Variants in PPM1G observed in about 807,000 individuals in gnomAD.
The protein encoded by PPM1G is protein phosphatase 1G.
PPM1G carries 12 observed loss-of-function variants against 59.4 expected under a neutral mutation model. The ratio of observed to expected loss-of-function variants is 0.20; its 90% CI spans 0.13 to 0.33. The LOEUF is 0.33. Among genes scored for constraint, PPM1G ranks in the 10% least tolerant of loss-of-function variants. The pLI is 1.00. For missense variants in PPM1G, 392 were observed against 681.3 expected, an observed-to-expected ratio of 0.58 and a Z score of 4.73; for synonymous variants, 245 against 251.9, an observed-to-expected ratio of 0.97 and a Z score of 0.26.
rs1243261559 is a variant in PPM1G, at chr2:27,382,726, G to A, written c.1202-121C>T. The A allele has an allele frequency of 5.5e-6, 7 of 1,281,456 alleles. No individual in the cohort carries two copies. Among genetic ancestry groups the A allele is most frequent in the African/African-American group, 1.5e-5 (1 of 67,226 alleles). The allele number at this position is 1,281,456 out of a possible 1,614,324, so 79.4% of individuals were successfully genotyped here. A position where few individuals can be genotyped will look rare whatever the true frequency, so the allele number is the denominator to read the frequency against. On this transcript the variant is annotated intron_variant, in intron 7 of 9. Coordinates refer to ENST00000344034, the MANE Select transcript of PPM1G (RefSeq NM_177983.3). This position sits in a 1 kb window ranked among gnomAD's most constrained non-coding sequence, Gnocchi z 4.2. ...AAAGTTCCATAATCTAGTGGAATGG[G>A]GAACTGAGTCCTAAGTCCTAGTTTT...
At chr2:27,399,529 C>G (rs1165250338) in intron 1 of PPM1G, among the ~76,000 whole-genome samples, 1 of 152,180 alleles carries the variant, frequency 6.6e-6, no homozygotes, top group East Asian at 1.9e-4. Flanking sequence ...AAAAAATTAG[C>G]TGGGTGTGGT....
At position 27,409,378 on chromosome 2, in the gene PPM1G, C is replaced by T; in HGVS notation, c.45G>A (p.Gly15=). ...LSQPNTVKCS[G]DGVGAPRLPL... is the part of the protein sequence containing the mutation. ...GCAGGCGCGGGGCGCCGACCCCGTC[C>T]CCGGAGCACTTCACCGTGTTGGGCT... The change falls in exon 1 of 10, where the codon GGG becomes GGA. Residue 15 remains glycine, a synonymous_variant. Transcript: ENST00000344034. 1 of 1,541,380 alleles carries T rather than the reference C, an allele frequency of 6.5e-7. No individual in the cohort carries two copies. The highest frequency in any genetic ancestry group is 8.7e-7 in the Non-Finnish European group (1 of 1,143,268).
At chr2:27,395,719 C>A (rs1290626522) in intron 1 of PPM1G, among the ~76,000 whole-genome samples, 1 of 151,802 alleles carries the variant, frequency 6.6e-6, no homozygotes, top group Non-Finnish European at 1.5e-5. Flanking sequence ...GTGGTGCACA[C>A]CTGCAGTCCC....
intron 1 of PPM1G, among the ~76,000 whole-genome samples, chr2:27,396,399 G>A (rs1684054667): frequency 6.6e-6 from 1 of 152,154 alleles, no homozygotes; most frequent in Non-Finnish European, 1.5e-5. Context: ...GCCATGAGCT[G>A]GGGGAAAGAG....
intron 1 of PPM1G, 77 bp from the exon 2 acceptor site, chr2:27,387,235 C>T (rs1683785624): frequency 4.2e-6 from 5 of 1,184,034 alleles, no homozygotes; most frequent in Admixed American, 3.5e-5. Context: ...AATGTCACCC[C>T]TTACTAACCT....
intron 1 of PPM1G, among the ~76,000 whole-genome samples, chr2:27,394,437 C>T (rs1683993492): frequency 6.6e-6 from 1 of 151,982 alleles, no homozygotes; most frequent in African/African-American, 2.4e-5. Flanking sequence ...TTCACATGCT[C>T]AAGATCTTCT....
Position 27,382,343 on chromosome 2 carries a change from GC to G in PPM1G, c.1332-116del, listed in dbSNP as rs1683654450. The G allele has an allele frequency of 3.2e-6, 5 of 1,550,672 alleles. No individual in the cohort carries two copies. In the East Asian group the frequency reaches 1.1e-4, roughly 35 times the overall value. ...AATAACTACAGAAATTCTCAGCTCTGCCTTAGTCTGGGTGCTCTTCACCCAC... is the reference window on the plus strand; with the variant it reads ...AATAACTACAGAAATTCTCAGCTCTGCTTAGTCTGGGTGCTCTTCACCCAC... On this transcript the variant is annotated intron_variant, in intron 8 of 9. Transcript: ENST00000344034. This position sits in a 1 kb window ranked among gnomAD's most constrained non-coding sequence, Gnocchi z 4.2.
At chr2:27,381,829 C>CA in intron 9 of PPM1G, 24 bp from the exon 10 acceptor site, 1 of 1,608,938 alleles carries the variant, frequency 6.2e-7, no homozygotes, top group Non-Finnish European at 8.5e-7. Context: ...GGGGGTAGCT[C>CA]AGCCACAGGG....
intron 1 of PPM1G, among the ~76,000 whole-genome samples, chr2:27,408,467 C>A (rs73921523): frequency 1.3e-5 from 2 of 152,110 alleles, no homozygotes; most frequent in East Asian, 3.9e-4. Flanking sequence ...ACTTTCCCCC[C>A]AATATTTTTC....
At chr2:27,400,284 C>T (rs1419487319) in intron 1 of PPM1G, among the ~76,000 whole-genome samples, 1 of 152,098 alleles carries the variant, frequency 6.6e-6, no homozygotes, top group African/African-American at 2.4e-5. Context: ...TACCTGTAGT[C>T]CCAGCTACTC....
intron 1 of PPM1G, among the ~76,000 whole-genome samples, chr2:27,406,476 A>G (rs1198576670): frequency 6.6e-6 from 1 of 152,256 alleles, no homozygotes; most frequent in Non-Finnish European, 1.5e-5. Flanking sequence ...TTGATTAGGC[A>G]TATTTATTCA....
At chr2:27,408,282 C>G (rs776264204) in intron 1 of PPM1G, among the ~76,000 whole-genome samples, 6 of 152,172 alleles carry the variant, frequency 3.9e-5, no homozygotes, top group Non-Finnish European at 8.8e-5. Context: ...CTGAAGCCCA[C>G]CCGGTAGGTG....
chr2:27,406,947 CCA>C (rs1344812666), intron 1 of PPM1G, among the ~76,000 whole-genome samples: 3 of 151,548 alleles, frequency 2.0e-5, no homozygotes, highest in Non-Finnish European at 4.4e-5. Context: ...GAAACTATAC[CCA>C]GATTTATTTA....
chr2:27,392,242 T>A (rs1683921981), intron 1 of PPM1G, among the ~76,000 whole-genome samples: 1 of 151,584 alleles, frequency 6.6e-6, no homozygotes, highest in African/African-American at 2.4e-5. Context: ...CAGTCCTTCA[T>A]CATGTTGTTG....
intron 1 of PPM1G, among the ~76,000 whole-genome samples, chr2:27,391,776 G>A (rs950962060): frequency 7.3e-5 from 11 of 150,306 alleles, no homozygotes; most frequent in African/African-American, 2.2e-4. Flanking sequence ...TCTGTTGCCA[G>A]GGTGGAGTGC....
intron 1 of PPM1G, among the ~76,000 whole-genome samples, chr2:27,398,595 GGAC>G (rs1413350381): frequency 1.3e-5 from 2 of 150,812 alleles, no homozygotes; most frequent in African/African-American, 2.4e-5. Context: ...AGGCCCAGGC[GGAC>G]GGATCACGAG....
intron 1 of PPM1G, chr2:27,393,146 C>CT: frequency 1.4e-6 from 2 of 1,412,032 alleles, no homozygotes; most frequent in Non-Finnish European, 2.0e-6. Context: ...CTCGTTGGTT[C>CT]TACAGCTTCA....
rs1683647504 is a variant in PPM1G at position 27,382,097 on chromosome 2, C to CA, written c.1434+28dup. On this transcript the variant is annotated intron_variant, in intron 9 of 9. Coordinates refer to ENST00000344034, the MANE Select transcript of PPM1G (RefSeq NM_177983.3). The surrounding 1 kb of genome is among the most constrained non-coding windows in gnomAD (Gnocchi z 4.2). ...GTGAACCCTGGCTGTGCAGACCAGACACCCTCTCTTCTCCACCCTGGTACT... is the reference window on the plus strand; with the variant it reads ...GTGAACCCTGGCTGTGCAGACCAGACAACCCTCTCTTCTCCACCCTGGTACT... 2.5e-6 allele frequency: 4 copies of CA among 1,590,030 alleles called. No homozygotes were observed. The highest frequency in any genetic ancestry group is 3.5e-6 in the Non-Finnish European group (4 of 1,158,330).
At position 27,381,608 on chromosome 2, in the gene PPM1G, C is replaced by T. The variant is rs1301094276; in HGVS notation, c.1632G>A (p.Lys544=). 1 of 1,614,150 alleles carries T rather than the reference C, an allele frequency of 6.2e-7. No homozygotes were observed. The highest frequency in any genetic ancestry group is 1.7e-5 in the Admixed American group (1 of 60,014). ...NGNSDKKKKA[K]RD ...GGGGTCTGGATGACTGCTAGTCTCG[C>T]TTGGCCTTCTTCTTCTTGTCGCTGT... The change falls in exon 10 of 10, where the codon AAG becomes AAA. Residue 544 remains lysine, a synonymous_variant. Transcript: ENST00000344034.
Sources: gnomAD v4.1 joint callset for allele counts (sites outside exome capture counted in the v4.1 genomes callset) on GRCh38, gnomAD v4.1.1 for gene constraint, Gnocchi (gnomAD v3.1) non-coding constraint, MANE v1.5 for transcripts, NCBI Gene and HGNC (gene_info 2026-07-23, HGNC 2026-07-21) for gene names.